The following CAPN9 variants were observed in gnomAD, a reference collection of about 807,000 sequenced individuals.
The protein encoded by CAPN9 is calpain 9, also known as calpain-9.
A neutral mutation model predicts 92.8 loss-of-function variants in CAPN9; 81 were observed. The ratio of observed to expected loss-of-function variants is 0.87; its 90% CI spans 0.73 to 1.05. The LOEUF (loss-of-function observed/expected upper bound fraction) is 1.05. Among genes scored for constraint, CAPN9 ranks in the 50% least tolerant of loss-of-function variants. The pLI is 0.00. For synonymous variants in CAPN9, 304 were observed against 328.0 expected (o/e 0.93, Z 0.79); for missense variants, 848 against 866.2 (o/e 0.98, Z 0.26).
chr1:230,775,279 G>C (rs926369970), intron 8 of CAPN9, among the ~76,000 whole-genome samples: 1 of 152,108 alleles, frequency 6.6e-6, no homozygotes, highest in African/African-American at 2.4e-5. Context: ...TTTGAAGACA[G>C]GCAGCCCTAC....
chr1:230,795,722 G>T (rs28359728), intron 18 of CAPN9, among the ~76,000 whole-genome samples: 7 of 152,116 alleles, frequency 4.6e-5, no homozygotes, highest in African/African-American at 1.7e-4. Context: ...GTGCCCGTGC[G>T]CTTCAGTGTT....
intron 1 of CAPN9, among the ~76,000 whole-genome samples, chr1:230,750,413 A>T (rs1020385952): frequency 6.6e-5 from 10 of 152,036 alleles, no homozygotes; most frequent in Non-Finnish European, 1.2e-4. Flanking sequence ...TCATTCTCGT[A>T]CCCCTATCTG....
intron 7 of CAPN9, 40 bp downstream of exon 7, chr1:230,772,139 G>T: frequency 6.5e-7 from 1 of 1,545,986 alleles, no homozygotes; most frequent in Non-Finnish European, 8.9e-7. Context: ...GGTTCCCGGG[G>T]CGTGTGGGGC....
intron 14 of CAPN9, 91 bp from the exon 15 acceptor site, chr1:230,791,772 TG>T: frequency 1.1e-6 from 1 of 940,356 alleles, no homozygotes; most frequent in Non-Finnish European, 1.7e-6. Context: ...CCAACAGCCC[TG>T]GATTTAGCCA....
Position 230,769,051 on chromosome 1 carries a change from C to T in CAPN9, c.706-129C>T. 4.1e-6 allele frequency: 3 copies of T among 724,484 alleles called. No homozygotes were observed. In the South Asian group the frequency reaches 5.0e-5, roughly 12 times the overall value. 44.9% of individuals were successfully genotyped at this position (724,484 alleles called of 1,614,324 possible). A position where few individuals can be genotyped will look rare whatever the true frequency, so the allele number is the denominator to read the frequency against. On this transcript the variant is annotated intron_variant, in intron 5 of 19. Transcript: ENST00000271971. ...GGGAGCCCCGTGCATAGCCCACGCACATGGCCTGCACCTGGGGCAGCAGAA... is the reference window on the plus strand; with the variant it reads ...GGGAGCCCCGTGCATAGCCCACGCATATGGCCTGCACCTGGGGCAGCAGAA...
chr1:230,753,516 C>A (rs1470117361), intron 1 of CAPN9, among the ~76,000 whole-genome samples: 1 of 152,184 alleles, frequency 6.6e-6, no homozygotes, highest in Non-Finnish European at 1.5e-5. Context: ...CTCTGTCCTG[C>A]CTTTGATTCT....
chr1:230,772,574 C>T (rs1302443336), intron 7 of CAPN9, among the ~76,000 whole-genome samples: 1 of 151,962 alleles, frequency 6.6e-6, no homozygotes, highest in East Asian at 1.9e-4. Context: ...GCCCAATAGC[C>T]CAGCAGAGAA....
intron 13 of CAPN9, 39 bp downstream of exon 13, chr1:230,787,641 G>C: frequency 1.3e-6 from 2 of 1,551,424 alleles, no homozygotes; most frequent in Non-Finnish European, 1.8e-6. Context: ...ACCAGGCTGA[G>C]GGCCTGGACC....
In CAPN9 at chr1:230,748,818, AT is replaced by A. The variant is rs919822886; in HGVS notation, c.213+1117del. Among the ~76,000 whole-genome samples the A allele has an allele frequency of 4.7e-4, 72 of 152,078 alleles. 1 individual carries two copies. In the East Asian group the frequency reaches 7.0e-3, roughly 15 times the overall value. ...AAAATAATGTTGATGATTAAAAACA[AT>A]TTTTTTTAACGCACATTCACAAAAC... On this transcript the variant is annotated intron_variant, in intron 1 of 19. Coordinates refer to ENST00000271971, the MANE Select transcript of CAPN9 (RefSeq NM_006615.3).
chr1:230,789,994 G>T, intron 13 of CAPN9, 138 bp from the exon 14 acceptor site: 2 of 630,134 alleles, frequency 3.2e-6, no homozygotes, highest in East Asian at 2.8e-5. Flanking sequence ...CAGGAGATAG[G>T]TACATCTGCC....
At chr1:230,800,492 G>C (rs1429218790) in intron 19 of CAPN9, among the ~76,000 whole-genome samples, 2 of 152,154 alleles carry the variant, frequency 1.3e-5, no homozygotes, top group African/African-American at 4.8e-5. Flanking sequence ...AGCACCAGCA[G>C]TGTGGAGGAA....
At chr1:230,770,746 C>G (rs1666337241) in intron 6 of CAPN9, among the ~76,000 whole-genome samples, 1 of 152,230 alleles carries the variant, frequency 6.6e-6, no homozygotes, top group African/African-American at 2.4e-5. Flanking sequence ...AGCCCAGCAG[C>G]CTGCCTTGCC....
At chr1:230,777,366 C>T (rs1333044797) in intron 8 of CAPN9, among the ~76,000 whole-genome samples, 2 of 152,106 alleles carry the variant, frequency 1.3e-5, no homozygotes, top group Admixed American at 1.3e-4. Flanking sequence ...AAATCATGCA[C>T]TCTGTGCGTG....
At position 230,765,180 on chromosome 1, in the gene CAPN9, C is replaced by A. The variant is rs573591932; in HGVS notation, c.537-2361C>A. ...CATACATAAAATGAACCTAGATCAT[C>A]TTATAGTGCCAGAAAATGAGAACAC... On this transcript the variant is annotated intron_variant, in intron 4 of 19. Transcript: ENST00000271971. Among the ~76,000 whole-genome samples the A allele has an allele frequency of 3.4e-5, 5 of 147,574 alleles. No individual in the cohort carries two copies. In the South Asian group the frequency reaches 1.1e-3, roughly 33 times the overall value.
chr1:230,768,053 T>G (rs1215658724), intron 5 of CAPN9, among the ~76,000 whole-genome samples: 1 of 69,894 alleles, frequency 1.4e-5, no homozygotes, highest in Non-Finnish European at 3.7e-5. Context: ...AATAAATAAA[T>G]AAAAAATAAA....
chr1:230,780,990 C>T (rs943955448), intron 11 of CAPN9, among the ~76,000 whole-genome samples: 6 of 152,024 alleles, frequency 3.9e-5, no homozygotes, highest in East Asian at 1.9e-4. Flanking sequence ...CTCATCCTCC[C>T]GAGTAGCAAG....
intron 4 of CAPN9, among the ~76,000 whole-genome samples, chr1:230,763,018 T>G (rs776538068): frequency 3.9e-5 from 6 of 152,146 alleles, no homozygotes; most frequent in Non-Finnish European, 8.8e-5. Flanking sequence ...TTTTTCTCCC[T>G]GGGCCATGAA....
In CAPN9 at chr1:230,801,598, G is replaced by C; in HGVS notation, c.*2G>C. On this transcript the variant is annotated 3_prime_UTR_variant, in exon 20 of 20. Coordinates refer to ENST00000271971, the MANE Select transcript of CAPN9 (RefSeq NM_006615.3). ...ATCCATTTGACAATGAACATCTGAG[G>C]CTGCCTTGTAGAGATGCAGCCTGCC... The C allele has an allele frequency of 6.2e-7, 1 of 1,613,846 alleles. No homozygotes were observed. The highest frequency in any genetic ancestry group is 2.2e-5 in the East Asian group (1 of 44,870).
At chr1:230,794,359 T>TTAC (rs780049424) in intron 17 of CAPN9, among the ~76,000 whole-genome samples, 1 of 152,052 alleles carries the variant, frequency 6.6e-6, no homozygotes, top group African/African-American at 2.4e-5. Flanking sequence ...CAGGTGCCTG[T>TTAC]AGTCCCAGCT....
Sources: gnomAD v4.1 joint callset for allele counts (sites outside exome capture counted in the v4.1 genomes callset) on GRCh38, gnomAD v4.1.1 for gene constraint, MANE v1.5 for transcripts, NCBI Gene and HGNC (gene_info 2026-07-23, HGNC 2026-07-21) for gene names.